The following SLIT3 variants were observed in gnomAD, a reference collection of about 807,000 sequenced individuals.
SLIT3 encodes slit guidance ligand 3, also known as slit homolog 3 protein.
Under a neutral mutation model 184.0 loss-of-function variants are expected in SLIT3, and 68 were observed. The observed-to-expected ratio is 0.37, with a 90% CI of 0.30 to 0.45. The LOEUF is 0.45. SLIT3 is among the 20% of genes least tolerant of loss of function. SLIT3 has a pLI of 1.00. For missense variants in SLIT3, 1,707 were observed against 2,026.0 expected (o/e 0.84, Z 3.02); for synonymous variants, 831 against 828.6 (o/e 1.00, Z -0.05).
intron 35 of SLIT3, among the ~76,000 whole-genome samples, chr5:168,669,236 C>T (rs956481426): frequency 6.6e-6 from 1 of 152,180 alleles, no homozygotes; most frequent in African/African-American, 2.4e-5. Context: ...TGAGTGACTT[C>T]CAATTGTAGG....
In SLIT3 at chr5:168,772,917, G is replaced by A. The variant is rs140499772; in HGVS notation, c.1323C>T (p.Cys441=). Residue 441 remains cysteine (C), a synonymous_variant, in exon 14 of 36, where the codon TGC becomes TGT. Transcript: ENST00000519560. ...CGGCCAGCCACTTCAAGTGGCAGTCGCACACAAATGGGTTTTGGGCTAAGT... is the reference window on the plus strand; with the variant it reads ...CGGCCAGCCACTTCAAGTGGCAGTCACACACAAATGGGTTTTGGGCTAAGT... ...TLHLAQNPFV[C]DCHLKWLADY... is the part of the protein sequence containing the mutation. 5,156 of 1,611,642 alleles carry A rather than the reference G, an allele frequency of 3.2e-3. 10 individuals are homozygous for A. The highest frequency in any genetic ancestry group is 3.8e-3 in the Non-Finnish European group (4,494 of 1,178,762).
At chr5:169,079,868 A>AGGAGGAAG (rs1758944939) in intron 4 of SLIT3, among the ~76,000 whole-genome samples, 1 of 17,480 alleles carries the variant, frequency 5.7e-5, no homozygotes, top group Admixed American at 5.6e-4. Flanking sequence ...GGAGGAGGAA[A>AGGAGGAAG]GGTGGAGGAG....
At chr5:168,963,834 T>C (rs532558760) in intron 4 of SLIT3, among the ~76,000 whole-genome samples, 1 of 152,364 alleles carries the variant, frequency 6.6e-6, no homozygotes, top group East Asian at 1.9e-4. Flanking sequence ...AGGCTTGCCT[T>C]ACATTTAGTT....
chr5:169,067,825 T>C (rs1581371384), intron 4 of SLIT3, among the ~76,000 whole-genome samples: 1 of 152,178 alleles, frequency 6.6e-6, no homozygotes, highest in African/African-American at 2.4e-5. Context: ...CAACTCAAAA[T>C]AGCTGCTCTG....
At chr5:168,996,560 A>G (rs1015717590) in intron 4 of SLIT3, among the ~76,000 whole-genome samples, 1 of 152,252 alleles carries the variant, frequency 6.6e-6, no homozygotes, top group Non-Finnish European at 1.5e-5. Flanking sequence ...TATAACGTCA[A>G]GCGCTTCGTG....
chr5:169,190,164 G>A (rs1763503332), intron 4 of SLIT3, among the ~76,000 whole-genome samples: 1 of 152,278 alleles, frequency 6.6e-6, no homozygotes, highest in African/African-American at 2.4e-5. Flanking sequence ...ATATGACCAA[G>A]CATTGGTTGG....
At chr5:168,721,398 C>T (rs1762936219) in intron 23 of SLIT3, among the ~76,000 whole-genome samples, 2 of 152,174 alleles carry the variant, frequency 1.3e-5, no homozygotes, top group Admixed American at 1.3e-4. Flanking sequence ...GCCAGAGCTG[C>T]ACTAAGTACT....
chr5:168,959,799 C>A (rs1426202600), intron 4 of SLIT3, among the ~76,000 whole-genome samples: 1 of 152,142 alleles, frequency 6.6e-6, no homozygotes, highest in Non-Finnish European at 1.5e-5. Flanking sequence ...CATTCAGGAC[C>A]CTGGCTGTGG....
chr5:169,110,006 A>G (rs1413245020), intron 4 of SLIT3, among the ~76,000 whole-genome samples: 8 of 152,172 alleles, frequency 5.3e-5, no homozygotes, highest in Admixed American at 1.3e-4. Flanking sequence ...TAGTAATCCC[A>G]GAATCACTAC....
At chr5:169,065,473 G>A (rs577757525) in intron 4 of SLIT3, among the ~76,000 whole-genome samples, 4 of 152,292 alleles carry the variant, frequency 2.6e-5, no homozygotes, top group South Asian at 2.1e-4. Context: ...TTGTAGAGTT[G>A]AGCCCACGTC....
chr5:169,151,369 T>C (rs770858193), intron 4 of SLIT3, among the ~76,000 whole-genome samples: 3 of 152,146 alleles, frequency 2.0e-5, no homozygotes, highest in Non-Finnish European at 4.4e-5. Flanking sequence ...CTGAGCTCCA[T>C]CCATAGTACC....
At chr5:168,749,770 G>A (rs917095168) in intron 18 of SLIT3, 135 bp from the exon 19 acceptor site, 1 of 860,766 alleles carries the variant, frequency 1.2e-6, no homozygotes, top group South Asian at 1.7e-5. Flanking sequence ...TTCCCCAGAT[G>A]CAGTCTCTGT....
chr5:169,101,254 A>C (rs545539644), intron 4 of SLIT3, among the ~76,000 whole-genome samples: 1 of 152,314 alleles, frequency 6.6e-6, no homozygotes, highest in Admixed American at 6.5e-5. Context: ...AACAGCCCAC[A>C]AACATCCCAC....
At chr5:168,690,500 G>A (rs959824971) in intron 29 of SLIT3, among the ~76,000 whole-genome samples, 1 of 152,122 alleles carries the variant, frequency 6.6e-6, no homozygotes, top group African/African-American at 2.4e-5. Context: ...CTGCTTGCCT[G>A]GCCTGCTCTG....
intron 5 of SLIT3, among the ~76,000 whole-genome samples, chr5:168,852,235 G>A (rs955685819): frequency 6.6e-6 from 1 of 152,212 alleles, no homozygotes; most frequent in African/African-American, 2.4e-5. Context: ...AAGATGAAAT[G>A]TGCTTTTGTT....
intron 4 of SLIT3, among the ~76,000 whole-genome samples, chr5:168,949,023 A>T (rs1198071213): frequency 2.0e-5 from 3 of 152,124 alleles, no homozygotes; most frequent in Admixed American, 6.5e-5. Context: ...AAAAACACAG[A>T]TGCCTATGCC....
intron 1 of SLIT3, among the ~76,000 whole-genome samples, chr5:169,276,645 A>G (rs904198673): frequency 2.0e-5 from 3 of 152,246 alleles, no homozygotes; most frequent in African/African-American, 7.2e-5. Flanking sequence ...GTTCATATTT[A>G]TCATCTTTGT....
chr5:169,291,671 G>A (rs941470720), intron 1 of SLIT3, among the ~76,000 whole-genome samples: 1 of 152,134 alleles, frequency 6.6e-6, no homozygotes, highest in African/African-American at 2.4e-5. Flanking sequence ...CTCGAACAGG[G>A]GCTCTTTGAT....
intron 3 of SLIT3, among the ~76,000 whole-genome samples, chr5:169,230,137 T>C (rs1764953027): frequency 6.6e-6 from 1 of 152,216 alleles, no homozygotes; most frequent in South Asian, 2.1e-4. Context: ...GAATATATTC[T>C]ATTTTTATCC....
Sources: gnomAD v4.1 joint callset for allele counts (sites outside exome capture counted in the v4.1 genomes callset) on GRCh38, gnomAD v4.1.1 for gene constraint, MANE v1.5 for transcripts, NCBI Gene and HGNC (gene_info 2026-07-23, HGNC 2026-07-21) for gene names.